Variants in NEMP2 observed in about 807,000 individuals in gnomAD.
NEMP2 encodes nuclear envelope integral membrane protein 2, also known as UPF0571 transmembrane protein.
In NEMP2, 53 loss-of-function variants were observed where a neutral mutation model predicts 54.2. The observed-to-expected ratio is 0.98, with a 90% confidence interval of 0.78 to 1.23. NEMP2 has a LOEUF of 1.23. Among genes scored for constraint, NEMP2 ranks in the 50% most tolerant of loss-of-function variants. NEMP2 has a pLI of 0.00. For synonymous variants in NEMP2, 197 were observed against 190.3 expected (o/e 1.04, Z -0.29); for missense variants, 455 against 511.3 (o/e 0.89, Z 1.06).
At chr2:190,621,967 C>A in the NEMP2 span, among the ~76,000 whole-genome samples, 1 of 152,108 alleles carries the variant, frequency 6.6e-6, no homozygotes. Flanking sequence ...ATTAGCTGGG[C>A]AGGGTGGCAT....
the NEMP2 span, among the ~76,000 whole-genome samples, chr2:190,467,377 C>T: frequency 9.0e-6 from 1 of 111,166 alleles, no homozygotes; most frequent in East Asian, 2.6e-4. The surrounding 1 kb of genome is among the most constrained non-coding windows in gnomAD (Gnocchi z 5.5). Context: ...TTTTGGGAGG[C>T]CGAGGTGGGC....
At chr2:190,602,186 A>G in the NEMP2 span, among the ~76,000 whole-genome samples, 3 of 152,208 alleles carry the variant, frequency 2.0e-5, no homozygotes, top group Non-Finnish European at 2.9e-5. Flanking sequence ...ATAGACATAA[A>G]GAAAGATATT....
the NEMP2 span, chr2:190,489,712 T>A: frequency 6.7e-7 from 1 of 1,491,070 alleles, no homozygotes; most frequent in Non-Finnish European, 9.2e-7. The surrounding 1 kb of genome is among the most constrained non-coding windows in gnomAD (Gnocchi z 6.6). Flanking sequence ...TGGTTTTAGA[T>A]GAGCGCTATC....
At chr2:190,611,297 A>G in the NEMP2 span, among the ~76,000 whole-genome samples, 1 of 152,206 alleles carries the variant, frequency 6.6e-6, no homozygotes, top group Admixed American at 6.5e-5. The surrounding 1 kb of genome is among the most constrained non-coding windows in gnomAD (Gnocchi z 5.4). Flanking sequence ...GCCAAACACC[A>G]TTTCATATTT....
chr2:190,460,782 G>A, the NEMP2 span, among the ~76,000 whole-genome samples: 14 of 152,328 alleles, frequency 9.2e-5, no homozygotes, highest in South Asian at 2.7e-3. Context: ...TGGTGGCCGA[G>A]TGAGTCCATT....
intron 1 of NEMP2, among the ~76,000 whole-genome samples, chr2:190,532,064 T>C (rs1691163941): frequency 6.6e-6 from 1 of 152,198 alleles, no homozygotes. Flanking sequence ...CCATTTTCCC[T>C]ATAACTGTTT....
chr2:190,616,400 T>C, the NEMP2 span, among the ~76,000 whole-genome samples: 1 of 151,850 alleles, frequency 6.6e-6, no homozygotes, highest in East Asian at 1.9e-4. The surrounding 1 kb of genome is among the most constrained non-coding windows in gnomAD (Gnocchi z 5.1). Flanking sequence ...AATAGAAAAA[T>C]TAGTAGAGTT....
chr2:190,524,083 A>T (rs371983074), intron 2 of NEMP2, among the ~76,000 whole-genome samples: 90 of 151,588 alleles, frequency 5.9e-4, no homozygotes, highest in African/African-American at 2.1e-3. Context: ...GTGACAGTGC[A>T]CACCTTTCAA....
chr2:190,529,364 T>G lies in NEMP2; in HGVS notation c.98-3986A>C, dbSNP rs1448851264. The stretch of plus-strand genomic sequence containing the variant: ...CCCACTGCTCCAGCCACAGCTGGCC[T>G]TCCTGTCCTCAAGATGCCAGCGAGC... On this transcript the variant is annotated intron_variant, in intron 1 of 8. Coordinates refer to ENST00000409150, the MANE Select transcript of NEMP2 (RefSeq NM_001142645.2). This position sits in a 1 kb window ranked among gnomAD's most constrained non-coding sequence, Gnocchi z 4.7. Among the ~76,000 whole-genome samples the G allele has an allele frequency of 6.6e-6, 1 of 152,128 alleles. No individual in the cohort carries two copies. Among genetic ancestry groups the G allele is most frequent in the African/African-American group, 2.4e-5 (1 of 41,402 alleles).
the NEMP2 span, among the ~76,000 whole-genome samples, chr2:190,586,709 A>G: frequency 3.9e-5 from 6 of 152,216 alleles, no homozygotes; most frequent in Non-Finnish European, 5.9e-5. This position sits in a 1 kb window ranked among gnomAD's most constrained non-coding sequence, Gnocchi z 4.5. Flanking sequence ...CATCTCTTCA[A>G]TGAAGAATTC....
chr2:190,603,434 T>C, the NEMP2 span, among the ~76,000 whole-genome samples: 1 of 151,558 alleles, frequency 6.6e-6, no homozygotes, highest in African/African-American at 2.4e-5. Context: ...ATAATAAATA[T>C]ATTTGTTTCC....
chr2:190,546,165 T>G, the NEMP2 span, among the ~76,000 whole-genome samples: 1 of 152,140 alleles, frequency 6.6e-6, no homozygotes. The surrounding 1 kb of genome is among the most constrained non-coding windows in gnomAD (Gnocchi z 5.1). Flanking sequence ...AGTCAGCCCC[T>G]CCATATCTGT....
At chr2:190,593,139 A>G in the NEMP2 span, among the ~76,000 whole-genome samples, 1 of 152,170 alleles carries the variant, frequency 6.6e-6, no homozygotes, top group African/African-American at 2.4e-5. The surrounding 1 kb of genome is among the most constrained non-coding windows in gnomAD (Gnocchi z 4.5). Flanking sequence ...GGACATTGAA[A>G]AGAAGACTTT....
At chr2:190,561,296 A>C in the NEMP2 span, among the ~76,000 whole-genome samples, 1 of 152,184 alleles carries the variant, frequency 6.6e-6, no homozygotes, top group Non-Finnish European at 1.5e-5. The surrounding 1 kb of genome is among the most constrained non-coding windows in gnomAD (Gnocchi z 5.4). Flanking sequence ...GATAGGGAAC[A>C]CCTGGGGACA....
chr2:190,587,139 A>T, the NEMP2 span, among the ~76,000 whole-genome samples: 1 of 152,116 alleles, frequency 6.6e-6, no homozygotes, highest in Non-Finnish European at 1.5e-5. This position sits in a 1 kb window ranked among gnomAD's most constrained non-coding sequence, Gnocchi z 5.4. Context: ...TTTTCTGTGG[A>T]TCTCTCACAT....
At chr2:190,476,326 T>C in the NEMP2 span, among the ~76,000 whole-genome samples, 2 of 152,026 alleles carry the variant, frequency 1.3e-5, no homozygotes, top group South Asian at 2.1e-4. Context: ...AGGGCTAATA[T>C]CCAGAATCTA....
the NEMP2 span, among the ~76,000 whole-genome samples, chr2:190,600,934 T>C: frequency 2.0e-5 from 3 of 152,200 alleles, no homozygotes; most frequent in African/African-American, 7.2e-5. This position sits in a 1 kb window ranked among gnomAD's most constrained non-coding sequence, Gnocchi z 4.9. Context: ...CCCTGCCCAC[T>C]TGTCACACAG....
the NEMP2 span, among the ~76,000 whole-genome samples, chr2:190,479,593 C>T: frequency 6.6e-6 from 1 of 152,180 alleles, no homozygotes; most frequent in Non-Finnish European, 1.5e-5. Flanking sequence ...TATTCTCCTT[C>T]CTCTGTGGGT....
the NEMP2 span, among the ~76,000 whole-genome samples, chr2:190,647,876 G>A: frequency 1.3e-5 from 2 of 151,890 alleles, no homozygotes; most frequent in Admixed American, 6.6e-5. Context: ...CACCACGCCC[G>A]GCTAATTTTG....
Sources: allele counts gnomAD v4.1 joint callset (sites outside exome capture counted in the v4.1 genomes callset), GRCh38; gene constraint gnomAD v4.1.1; non-coding constraint Gnocchi (gnomAD v3.1); transcripts MANE v1.5; gene names NCBI Gene and HGNC (gene_info 2026-07-23, HGNC 2026-07-21).